The following CCDC66 variants were observed in gnomAD, a reference collection of about 807,000 sequenced individuals.
The protein encoded by CCDC66 is coiled-coil domain containing 66, also known as coiled-coil domain-containing protein 66.
CCDC66 carries 133 observed loss-of-function variants against 128.3 expected under a neutral mutation model. That is an observed-to-expected ratio of 1.04 (90% confidence interval 0.90 to 1.20). CCDC66 has a LOEUF of 1.20. Among genes scored for constraint, CCDC66 ranks in the 50% most tolerant of loss-of-function variants. The pLI is 0.00. For synonymous variants in CCDC66, 387 were observed against 357.0 expected (o/e 1.08, Z -0.95); for missense variants, 1,126 against 1,075.5 (o/e 1.05, Z -0.66).
At position 56,619,348 on chromosome 3, in the gene CCDC66, A is replaced by C; in HGVS notation, c.2456A>C (p.Asn819Thr). ...AATACATTACATTTACCACTAAAAA[A>C]CAGTAGCTATGAGAGAGAGAATTTG... ...TQNTLHLPLKNSSYERENLIS... is the reference protein window; with the variant it reads ...TQNTLHLPLKTSSYERENLIS... The change falls in exon 16 of 18, where the codon AAC (asparagine) becomes ACC (threonine). Residue 819 changes from asparagine to threonine, a missense_variant. Asn to Thr is a moderately conservative substitution (Grantham distance 65). Coordinates refer to ENST00000394672, the MANE Select transcript of CCDC66 (RefSeq NM_001141947.3). 1.9e-6 allele frequency: 3 copies of C among 1,613,992 alleles called. No individual in the cohort carries two copies. Among genetic ancestry groups the C allele is most frequent in the Non-Finnish European group, 1.7e-6 (2 of 1,179,890 alleles).
At chr3:56,562,599 A>G (rs2107733332) in intron 3 of CCDC66, among the ~76,000 whole-genome samples, 1 of 152,272 alleles carries the variant, frequency 6.6e-6, no homozygotes, top group East Asian at 1.9e-4. Flanking sequence ...ACTAAAAGGT[A>G]TTTGTAATAT....
rs553558566 is a variant in CCDC66 at position 56,593,616 on chromosome 3, TC to T, written c.1195del (p.Gln399ArgfsTer26). 1.6e-4 allele frequency: 264 copies of T among 1,614,168 alleles called. No individual in the cohort carries two copies. In the African/African-American group the frequency reaches 3.2e-3, roughly 20 times the overall value. Reference sequence around the variant, plus strand: ...AGTACTTCTGTGTCTCTCCTGACACTCAGGAGCTGGCTGATGTCAGCAGTGT... The same window carrying T: ...AGTACTTCTGTGTCTCTCCTGACACTAGGAGCTGGCTGATGTCAGCAGTGT... ...PEYFCVSPDT[Q>X]ELADVSSVCT... On this transcript the variant is annotated frameshift_variant, in exon 9 of 18. Coordinates refer to ENST00000394672, the MANE Select transcript of CCDC66 (RefSeq NM_001141947.3). LOFTEE classifies it high-confidence loss of function.
intron 7 of CCDC66, among the ~76,000 whole-genome samples, chr3:56,572,102 G>T (rs548387008): frequency 6.6e-6 from 1 of 152,090 alleles, no homozygotes; most frequent in African/African-American, 2.4e-5. Flanking sequence ...GAGTTGTCTC[G>T]TTATGTCGTT....
At chr3:56,576,136 A>C (rs943689714) in intron 7 of CCDC66, among the ~76,000 whole-genome samples, 1 of 151,672 alleles carries the variant, frequency 6.6e-6, no homozygotes, top group Non-Finnish European at 1.5e-5. Context: ...TAATATCTCA[A>C]TAATATTAAG....
rs775693868 is a variant in CCDC66 at position 56,619,443 on chromosome 3, C to T, written c.2551C>T (p.Arg851Ter). 2.9e-5 allele frequency: 46 copies of T among 1,613,698 alleles called. 1 individual carries two copies. Among genetic ancestry groups the T allele is most frequent in the South Asian group, 2.2e-4 (20 of 91,058 alleles). Residue 851 changes from arginine (R) to a stop codon, truncating the protein, a stop_gained, in exon 16 of 18, where the codon CGA (arginine) becomes TGA (stop). Transcript: ENST00000394672. LOFTEE classifies it high-confidence loss of function. ...ATCATCCCATTTTATTCCGTATGTT[C>T]GAACAAATGAGATCTATTACCTTGA... The part of the protein sequence containing the change: ...SESSHFIPYV[R>*]TNEIYYLDPD...
intron 6 of CCDC66, among the ~76,000 whole-genome samples, chr3:56,567,305 G>C (rs1337565085): frequency 1.3e-5 from 2 of 152,174 alleles, no homozygotes; most frequent in Non-Finnish European, 1.5e-5. Context: ...CAGGAGAATT[G>C]CTTGAACCTG....
chr3:56,615,129 A>G lies in CCDC66; in HGVS notation c.1568A>G (p.Glu523Gly). 1 of 1,613,236 alleles carries G rather than the reference A, an allele frequency of 6.2e-7. No homozygotes were observed. The highest frequency in any genetic ancestry group is 8.5e-7 in the Non-Finnish European group (1 of 1,179,710). Residue 523 changes from glutamate (E) to glycine (G), a missense_variant and splice_region_variant, in exon 12 of 18, where the codon GAA (glutamate) becomes GGA (glycine). Coordinates refer to ENST00000394672, the MANE Select transcript of CCDC66 (RefSeq NM_001141947.3). ...EDILKQKQKEEIMTLKTNELF... is the reference protein window; with the variant it reads ...EDILKQKQKEGIMTLKTNELF... The stretch of plus-strand genomic sequence containing the variant: ...TTAGTAACACATCAATATTGACAGG[A>G]AATCATGACTCTCAAGACAAATGAG...
chr3:56,588,511 C>A (rs576351318), intron 7 of CCDC66, among the ~76,000 whole-genome samples: 10 of 152,202 alleles, frequency 6.6e-5, no homozygotes, highest in African/African-American at 2.2e-4. Flanking sequence ...ATGGCAAAAA[C>A]CGCAATTTAC....
rs1158064074 is a variant in CCDC66 at position 56,615,265 on chromosome 3, T to C, written c.1704T>C (p.Asn568=). 6.2e-7 allele frequency: 1 copy of C among 1,610,446 alleles called. No homozygotes were observed. The highest frequency in any genetic ancestry group is 8.5e-7 in the Non-Finnish European group (1 of 1,178,610). The change falls in exon 12 of 18, where the codon AAT becomes AAC. Residue 568 remains asparagine (N), a synonymous_variant. Transcript: ENST00000394672. ...ATGACACTTCTAGACTGATTAAAAA[T>C]CTTGGTGGTAAGGGCCTAACCAGAA... ...KGHDTSRLIK[N]LGVDTIQMEY...
In CCDC66 at chr3:56,613,608, T is replaced by C. The variant is rs977604942; in HGVS notation, c.1424T>C (p.Val475Ala). 7.4e-6 allele frequency: 12 copies of C among 1,613,080 alleles called. No homozygotes were observed. The highest frequency in any genetic ancestry group is 1.6e-4 in the Middle Eastern group (1 of 6,080). The stretch of plus-strand genomic sequence containing the variant: ...GACTAGAAAGCCATCACTGCCCAGG[T>C]AGAAGAGAAGCGCAGGAAGAAACAA... Reference protein sequence around the residue: ...LEHQKAITAQVEEKRRKKQLE... With the variant: ...LEHQKAITAQAEEKRRKKQLE... Residue 475 changes from valine to alanine, a missense_variant, in exon 11 of 18, where the codon GTA becomes GCA. Transcript: ENST00000394672.
chr3:56,572,105 AT>A (rs2066714491), intron 7 of CCDC66, among the ~76,000 whole-genome samples: 1 of 152,132 alleles, frequency 6.6e-6, no homozygotes, highest in African/African-American at 2.4e-5. Flanking sequence ...TTGTCTCGTT[AT>A]GTCGTTAGGT....
At chr3:56,564,208 C>A in intron 4 of CCDC66, 83 bp downstream of exon 4, 1 of 1,012,772 alleles carries the variant, frequency 9.9e-7, no homozygotes, top group South Asian at 1.7e-5. Flanking sequence ...TTTTATGTAA[C>A]TGTGACTCTT....
In CCDC66 at chr3:56,618,255, C is replaced by T. The variant is rs748484139; in HGVS notation, c.2378+43C>T. 6 of 1,529,300 alleles carry T rather than the reference C, an allele frequency of 3.9e-6. No homozygotes were observed. The Admixed American group carries it at 1.0e-4, about 26-fold the overall frequency. The allele number at this position is 1,529,300 out of a possible 1,614,324, so 94.7% of individuals were successfully genotyped here. ...TAATTCCGCAGCTACTTAATGCTTT[C>T]TATGTGGGACAAAAAAGGGATTCAA... On this transcript the variant is annotated intron_variant, in intron 15 of 17. Transcript: ENST00000394672.
chr3:56,590,749 TA>T (rs949810350), intron 7 of CCDC66, among the ~76,000 whole-genome samples: 109 of 140,646 alleles, frequency 7.7e-4, no homozygotes, highest in Admixed American at 1.1e-3. Context: ...AGACCCTGCC[TA>T]AAAAAAAAAA....
intron 17 of CCDC66, chr3:56,620,349 A>T (rs2076250230): frequency 6.5e-6 from 1 of 153,292 alleles, no homozygotes; most frequent in African/African-American, 2.4e-5. Context: ...GCATAACCTT[A>T]CTCACCATAC....
chr3:56,593,015 C>A lies in CCDC66; in HGVS notation c.982C>A (p.Leu328Met). 6.2e-7 allele frequency: 1 copy of A among 1,611,104 alleles called. No individual in the cohort carries two copies. Among genetic ancestry groups the A allele is most frequent in the Non-Finnish European group, 8.5e-7 (1 of 1,178,952 alleles). The change falls in exon 8 of 18, where the codon CTG (leucine) becomes ATG (methionine). Residue 328 changes from leucine to methionine, a missense_variant. Physicochemically the swap from Leu to Met is conservative, Grantham distance 15. Coordinates refer to ENST00000394672, the MANE Select transcript of CCDC66 (RefSeq NM_001141947.3). Reference protein sequence around the residue: ...EHPFSAVKQELQRKWIEELNK... With the variant: ...EHPFSAVKQEMQRKWIEELNK... ...CCCTTTCAGTGCTGTGAAACAAGAA[C>A]TGCAAAGAAAATGGATTGAAGAGTT...
intron 7 of CCDC66, among the ~76,000 whole-genome samples, chr3:56,580,731 A>G (rs1042937198): frequency 1.3e-5 from 2 of 151,914 alleles, no homozygotes; most frequent in African/African-American, 4.8e-5. Flanking sequence ...AATGTTGAAT[A>G]TTGGCCCCCA....
intron 6 of CCDC66, among the ~76,000 whole-genome samples, 196 bp from the exon 7 acceptor site, chr3:56,570,980 TACTTA>T (rs1172670528): frequency 6.6e-6 from 1 of 152,240 alleles, no homozygotes; most frequent in East Asian, 1.9e-4. Flanking sequence ...AATTGTACCA[TACTTA>T]ACTTTGGTTC....
rs2065132897 is a variant in CCDC66 at position 56,561,785 on chromosome 3, C to A, written c.103-1899C>A. Among the ~76,000 whole-genome samples, 4 of 152,054 alleles carry A rather than the reference C, an allele frequency of 2.6e-5. No homozygotes were observed. In the South Asian group the frequency reaches 8.3e-4, roughly 31 times the overall value. On this transcript the variant is annotated intron_variant, in intron 3 of 17. Transcript: ENST00000394672. ...CAGTTCTGCCACTAGATGTTGAATT[C>A]TCTTTTCTGCAAGTTATTCATGAAT... is the stretch of plus-strand genomic sequence containing the variant.
Sources: gnomAD v4.1 joint callset for allele counts (sites outside exome capture counted in the v4.1 genomes callset) on GRCh38, gnomAD v4.1.1 for gene constraint, MANE v1.5 for transcripts, NCBI Gene and HGNC (gene_info 2026-07-23, HGNC 2026-07-21) for gene names.